The following PRR5 variants were observed in gnomAD, a reference collection of about 807,000 sequenced individuals.
PRR5 encodes proline-rich protein 5.
A neutral mutation model predicts 30.6 loss-of-function variants in PRR5; 25 were observed. The observed-to-expected ratio is 0.82, with a 90% confidence interval of 0.60 to 1.14. PRR5 has a LOEUF of 1.14. PRR5 is among the 50% of genes most tolerant of loss of function. The pLI is 0.00. For missense variants in PRR5, 600 were observed against 547.1 expected, an observed-to-expected ratio of 1.10 and a Z score of -0.96; for synonymous variants, 286 against 247.1, an observed-to-expected ratio of 1.16 and a Z score of -1.48.
chr22:44,671,442 A>G (rs1923421868), intron 1 of PRR5, among the ~76,000 whole-genome samples: 1 of 151,702 alleles, frequency 6.6e-6, no homozygotes, highest in South Asian at 2.1e-4. Flanking sequence ...TCTGGTGAGC[A>G]TATTTCTCGG....
In PRR5 at chr22:44,729,258, G is replaced by A. The variant is rs1040527279; in HGVS notation, c.323-2472G>A. ...CGCGTGGCTTTTGTCACTGCCCTGC[G>A]CTCCTCACTGTTCCTGAGTCTCCCG... On this transcript the variant is annotated intron_variant, in intron 4 of 7. Transcript: ENST00000336985. 8 of 912,852 alleles carry A rather than the reference G, an allele frequency of 8.8e-6. No homozygotes were observed. In the African/African-American group the frequency reaches 1.1e-4, roughly 12 times the overall value. The allele number at this position is 912,852 out of a possible 1,614,324, so 56.5% of individuals were successfully genotyped here.
chr22:44,711,575 A>T (rs1291833195), intron 1 of PRR5, among the ~76,000 whole-genome samples: 1 of 152,116 alleles, frequency 6.6e-6, no homozygotes, highest in Non-Finnish European at 1.5e-5. Context: ...CTCAGGGCAG[A>T]TCACTGAGGA....
At chr22:44,727,539 G>T (rs563712514) in intron 4 of PRR5, among the ~76,000 whole-genome samples, 55 of 152,352 alleles carry the variant, frequency 3.6e-4, no homozygotes, top group Middle Eastern at 6.8e-3. Flanking sequence ...AGCCACCGTT[G>T]TTAGCACTGA....
chr22:44,692,216 A>AGGGGCTCCTCCACCT (rs1925308058), intron 1 of PRR5, among the ~76,000 whole-genome samples: 1 of 100,266 alleles, frequency 1.0e-5, no homozygotes, highest in Non-Finnish European at 2.0e-5. Flanking sequence ...CTCCTCCACC[A>AGGGGCTCCTCCACCT]GGGGCTCCTC....
At position 44,702,543 on chromosome 22, in the gene PRR5, G is replaced by T. The variant is rs1569080603; in HGVS notation, c.69G>T (p.Pro23=). Residue 23 remains proline, a synonymous_variant, in exon 1 of 8, where the codon CCG becomes CCT. Transcript: ENST00000336985. ...PSLSDLGKRE[P]AAAADERGTQ... is the part of the protein sequence containing the mutation. ...TCAGTGACCTGGGCAAGAGAGAGCC[G>T]GCCGCCGCCGCGGACGAGCGGGGCA... 1 of 1,449,698 alleles carries T rather than the reference G, an allele frequency of 6.9e-7. No homozygotes were observed. Among genetic ancestry groups the T allele is most frequent in the Non-Finnish European group, 9.1e-7 (1 of 1,099,888 alleles). 89.8% of individuals were successfully genotyped at this position (1,449,698 alleles called of 1,614,324 possible).
chr22:44,689,407 G>T (rs1323999785), intron 1 of PRR5, among the ~76,000 whole-genome samples: 2 of 152,170 alleles, frequency 1.3e-5, no homozygotes. Flanking sequence ...ATTCCTATGG[G>T]ATGACCCCTG....
chr22:44,695,991 C>T (rs908207032), intron 1 of PRR5, among the ~76,000 whole-genome samples: 1 of 131,434 alleles, frequency 7.6e-6, no homozygotes, highest in African/African-American at 2.9e-5. Flanking sequence ...AGTGCAATGG[C>T]ACAGTCACTG....
intron 1 of PRR5, among the ~76,000 whole-genome samples, chr22:44,680,292 C>T (rs1924156966): frequency 1.3e-5 from 2 of 152,046 alleles, no homozygotes; most frequent in African/African-American, 2.4e-5. Context: ...CAGAAGAGCA[C>T]CTGCCCCGTG....
intron 1 of PRR5, among the ~76,000 whole-genome samples, chr22:44,685,242 C>G (rs1182384289): frequency 6.6e-6 from 1 of 152,214 alleles, no homozygotes; most frequent in Non-Finnish European, 1.5e-5. Context: ...ACCCCATGCA[C>G]TGGGACAGTC....
At position 44,723,204 on chromosome 22, in the gene PRR5, G is replaced by A. The variant is rs367612598; in HGVS notation, c.216-2040G>A. On this transcript the variant is annotated intron_variant, in intron 2 of 7. Transcript: ENST00000336985. The stretch of plus-strand genomic sequence containing the variant: ...TCACCATGTTGGCCAGGCTGGTTTC[G>A]AACTTTGGACCTCAGGTGATCTGCC... 7.2e-5 allele frequency among the ~76,000 whole-genome samples: 11 copies of A among 151,922 alleles called. No homozygotes were observed. In the South Asian group the frequency reaches 1.5e-3, roughly 20 times the overall value.
intron 1 of PRR5, among the ~76,000 whole-genome samples, chr22:44,708,363 G>A (rs79426438): frequency 2.4e-3 from 369 of 152,246 alleles, no homozygotes; most frequent in African/African-American, 8.5e-3. Context: ...TGGGGCCAGG[G>A]CTAGGTGGGT....
chr22:44,696,667 G>A (rs866371263), intron 1 of PRR5, among the ~76,000 whole-genome samples: 25 of 152,186 alleles, frequency 1.6e-4, no homozygotes, highest in Middle Eastern at 3.4e-3. Flanking sequence ...TAAAGGAAGC[G>A]GTCCACCTTC....
At chr22:44,689,104 G>C (rs1230590009) in intron 1 of PRR5, among the ~76,000 whole-genome samples, 1 of 152,082 alleles carries the variant, frequency 6.6e-6, no homozygotes, top group African/African-American at 2.4e-5. Flanking sequence ...AACATTTCTA[G>C]GACACAGGCA....
chr22:44,679,107 C>T (rs1399234803), intron 1 of PRR5, among the ~76,000 whole-genome samples: 2 of 152,116 alleles, frequency 1.3e-5, no homozygotes, highest in Non-Finnish European at 2.9e-5. Context: ...AGTGACTCCC[C>T]ACTCTCCTAG....
chr22:44,723,448 A>C (rs1930237243), intron 2 of PRR5, among the ~76,000 whole-genome samples: 1 of 151,984 alleles, frequency 6.6e-6, no homozygotes, highest in South Asian at 2.1e-4. Context: ...GGCCAGGTGC[A>C]GTGGCTCACG....
chr22:44,732,887 CCA>C (rs763197595), intron 6 of PRR5, among the ~76,000 whole-genome samples: 5,733 of 150,444 alleles, frequency 0.038, 378 homozygotes, highest in African/African-American at 0.13. Flanking sequence ...CACACACACA[CCA>C]CACACGTGCA....
chr22:44,673,647 C>T (rs1337864953), upstream of PRR5, among the ~76,000 whole-genome samples: 2 of 152,124 alleles, frequency 1.3e-5, no homozygotes, highest in African/African-American at 2.4e-5. Context: ...TTCTCAATAA[C>T]GGGGAGCTCA....
chr22:44,673,896 A>G (rs1315865911), upstream of PRR5, among the ~76,000 whole-genome samples: 1 of 152,202 alleles, frequency 6.6e-6, no homozygotes, highest in East Asian at 1.9e-4. Context: ...AAAATGCTCA[A>G]CAAAGAGGAC....
Position 44,737,602 on chromosome 22 carries a change from C to T in PRR5, c.*355C>T. 4.1e-6 allele frequency: 1 copy of T among 244,142 alleles called. No homozygotes were observed. Among genetic ancestry groups the T allele is most frequent in the Non-Finnish European group, 8.0e-6 (1 of 125,466 alleles). 15.1% of individuals were successfully genotyped at this position (244,142 alleles called of 1,614,324 possible). A position where few individuals can be genotyped will look rare whatever the true frequency, so the allele number is the denominator to read the frequency against. ...TGCCCACGCCGGGCCCCAAAGTGAC[C>T]AGACTCCAGCACACCTGTCTCCTCC... On this transcript the variant is annotated 3_prime_UTR_variant, in exon 8 of 8. Transcript: ENST00000336985.
Sources: gnomAD v4.1 joint callset for allele counts (sites outside exome capture counted in the v4.1 genomes callset) on GRCh38, gnomAD v4.1.1 for gene constraint, MANE v1.5 for transcripts, NCBI Gene and HGNC (gene_info 2026-07-23, HGNC 2026-07-21) for gene names.